The following DENND3 variants were observed in gnomAD, a reference collection of about 807,000 sequenced individuals.
DENND3 encodes the protein DENN domain containing 3, also known as DENN domain-containing protein 3.
In DENND3, 88 loss-of-function variants were observed where a neutral mutation model predicts 135.1. The observed-to-expected ratio is 0.65, with a 90% CI of 0.55 to 0.78. The LOEUF (loss-of-function observed/expected upper bound fraction) is 0.78. Among genes scored for constraint, DENND3 ranks in the 30% least tolerant of loss-of-function variants. DENND3 has a pLI of 0.00. For synonymous variants in DENND3, 693 were observed against 712.3 expected (o/e 0.97, Z 0.43); for missense variants, 1,392 against 1,688.4 (o/e 0.82, Z 3.08).
At chr8:141,179,885 G>A (rs907811989) in intron 16 of DENND3, among the ~76,000 whole-genome samples, 3 of 152,212 alleles carry the variant, frequency 2.0e-5, no homozygotes, top group South Asian at 2.1e-4. Flanking sequence ...GGCCCTGGAC[G>A]GCAGGGACTG....
At chr8:141,170,493 T>A (rs1192879280) in intron 13 of DENND3, among the ~76,000 whole-genome samples, 1 of 152,216 alleles carries the variant, frequency 6.6e-6, no homozygotes, top group African/African-American at 2.4e-5. Flanking sequence ...GTGCGCTCAC[T>A]GATCCCTGTT....
rs777481517 is a variant in DENND3, at chr8:141,160,665, C to A, written c.1230C>A (p.His410Gln). ...VQSLQLHHEL[H>Q]AAHLLSSTDL... Reference sequence around the variant, plus strand: ...GCCTCCAGCTCCACCATGAGCTGCACGCCGCCCACCTCCTCTCCAGCACAG... The same window carrying A: ...GCCTCCAGCTCCACCATGAGCTGCAAGCCGCCCACCTCCTCTCCAGCACAG... Residue 410 changes from histidine (H) to glutamine (Q), a missense_variant, in exon 9 of 23, where the codon CAC becomes CAA. Transcript: ENST00000519811. The A allele has an allele frequency of 1.2e-6, 2 of 1,610,528 alleles. No individual in the cohort carries two copies. Among genetic ancestry groups the A allele is most frequent in the East Asian group, 4.5e-5 (2 of 44,812 alleles).
intron 17 of DENND3, among the ~76,000 whole-genome samples, chr8:141,183,850 G>T (rs1273756551): frequency 5.3e-5 from 8 of 152,134 alleles, no homozygotes; most frequent in Non-Finnish European, 1.2e-4. Flanking sequence ...CCTGGCGGGG[G>T]TGCAGGTGTT....
intron 5 of DENND3, among the ~76,000 whole-genome samples, chr8:141,145,830 TATATATATATATATA>T (rs1818005555): frequency 3.5e-4 from 30 of 86,878 alleles, no homozygotes; most frequent in African/African-American, 2.2e-3. Context: ...TATATATATA[TATATATATATATATA>T]TATATGTATT....
chr8:141,192,770 C>T, intron 22 of DENND3, 107 bp downstream of exon 22: 1 of 1,602,874 alleles, frequency 6.2e-7, no homozygotes, highest in Non-Finnish European at 8.5e-7. Flanking sequence ...GCCCTCCTGC[C>T]TTCGCCTCTC....
rs563109761 is a variant in DENND3, at chr8:141,187,868, A to AT, written c.3085-1111dup. On this transcript the variant is annotated intron_variant, in intron 18 of 22. Coordinates refer to ENST00000519811, the MANE Select transcript of DENND3 (RefSeq NM_001352890.3). Reference sequence around the variant, plus strand: ...TAGGGAAATTATTTTTCTAAATTTAATTTTTTTCAGTTCGTTCTTAGTTAT... The same window carrying AT: ...TAGGGAAATTATTTTTCTAAATTTAATTTTTTTTCAGTTCGTTCTTAGTTAT... 3.1e-3 allele frequency among the ~76,000 whole-genome samples: 471 copies of AT among 152,286 alleles called. 4 individuals are homozygous for AT. The highest frequency in any genetic ancestry group is 0.011 in the African/African-American group (454 of 41,546).
At chr8:141,176,506 C>G in intron 14 of DENND3, 85 bp from the exon 15 acceptor site, 1 of 1,558,332 alleles carries the variant, frequency 6.4e-7, no homozygotes, top group Non-Finnish European at 8.8e-7. Context: ...CCTCTTCATT[C>G]CAGAGCCCGC....
intron 4 of DENND3, chr8:141,143,146 T>C (rs912773179): frequency 1.3e-4 from 20 of 152,158 alleles, no homozygotes; most frequent in African/African-American, 4.8e-4. Flanking sequence ...ACAACACGAA[T>C]TTGTAGTTTT....
In DENND3 at chr8:141,194,632, CA is replaced by C; in HGVS notation, c.*400del. ...TCTCTGGTTTTACCTTTCCTTACTTCATTCATTCACTCACCCAGTCCTTACG... is the reference window on the plus strand; with the variant it reads ...TCTCTGGTTTTACCTTTCCTTACTTCTTCATTCACTCACCCAGTCCTTACG... On this transcript the variant is annotated 3_prime_UTR_variant, in exon 23 of 23. Transcript: ENST00000519811. 1 of 193,546 alleles carries C rather than the reference CA, an allele frequency of 5.2e-6. No homozygotes were observed. The highest frequency in any genetic ancestry group is 1.0e-5 in the Non-Finnish European group (1 of 100,376). The allele number at this position is 193,546 out of a possible 1,614,324, so 12.0% of individuals were successfully genotyped here.
intron 10 of DENND3, 82 bp from the exon 11 acceptor site, chr8:141,165,104 G>C (rs939289216): frequency 5.8e-6 from 6 of 1,042,102 alleles, no homozygotes; most frequent in Non-Finnish European, 7.4e-6. Flanking sequence ...GCCCAGTTCT[G>C]TGCCAGGAAG....
intron 22 of DENND3, 141 bp downstream of exon 22, chr8:141,192,804 G>A (rs373450406): frequency 4.1e-5 from 64 of 1,576,604 alleles, no homozygotes; most frequent in East Asian, 9.3e-5. Context: ...TAACAGGCAC[G>A]TGCAGGGTTG....
Position 141,168,806 on chromosome 8 carries a change from C to T in DENND3, c.2275+281C>T, listed in dbSNP as rs1295047623. 6.6e-6 allele frequency among the ~76,000 whole-genome samples: 1 copy of T among 152,106 alleles called. No individual in the cohort carries two copies. Among genetic ancestry groups the T allele is most frequent in the African/African-American group, 2.4e-5 (1 of 41,412 alleles). Reference sequence around the variant, plus strand: ...GCTCAAGTGATCCACCCACCTCGGCCTCCCTAAGTGCTGAGATTACAAGAG... The same window carrying T: ...GCTCAAGTGATCCACCCACCTCGGCTTCCCTAAGTGCTGAGATTACAAGAG... On this transcript the variant is annotated intron_variant, in intron 13 of 22. Transcript: ENST00000519811. This position sits in a 1 kb window ranked among gnomAD's most constrained non-coding sequence, Gnocchi z 6.2.
chr8:141,160,471 C>T (rs904860960), intron 8 of DENND3, among the ~76,000 whole-genome samples, 161 bp from the exon 9 acceptor site: 4 of 152,188 alleles, frequency 2.6e-5, no homozygotes, highest in Non-Finnish European at 5.9e-5. Flanking sequence ...TGAGCCACCG[C>T]GTCCAGCCCC....
rs563911054 is a variant in DENND3 at position 141,194,675 on chromosome 8, T to G, written c.*442T>G. The G allele has an allele frequency of 3.0e-4, 53 of 178,404 alleles. No individual in the cohort carries two copies. The highest frequency in any genetic ancestry group is 6.1e-4 in the Non-Finnish European group (50 of 82,152). The allele number at this position is 178,404 out of a possible 1,614,324, so 11.1% of individuals were successfully genotyped here. ...GTCCTTACGAATCACCGAGGAACAC[T>G]GGGCTGAGCACATGACAGGGAGCCT... On this transcript the variant is annotated 3_prime_UTR_variant, in exon 23 of 23. Coordinates refer to ENST00000519811, the MANE Select transcript of DENND3 (RefSeq NM_001352890.3).
At chr8:141,145,404 T>A (rs753540719) in intron 5 of DENND3, among the ~76,000 whole-genome samples, 5 of 152,184 alleles carry the variant, frequency 3.3e-5, no homozygotes, top group Non-Finnish European at 5.9e-5. Flanking sequence ...CACTCCTGTC[T>A]CTGTAAAATG....
chr8:141,173,310 T>C (rs1433146381), intron 13 of DENND3, among the ~76,000 whole-genome samples: 1 of 152,204 alleles, frequency 6.6e-6, no homozygotes. Context: ...TCTCTTCTGT[T>C]TGGATCTGGT....
chr8:141,154,931 A>G lies in DENND3; in HGVS notation c.1075-918A>G, dbSNP rs1037096793. On this transcript the variant is annotated intron_variant, in intron 7 of 22. Coordinates refer to ENST00000519811, the MANE Select transcript of DENND3 (RefSeq NM_001352890.3). This position sits in a 1 kb window ranked among gnomAD's most constrained non-coding sequence, Gnocchi z 4.4. ...AAAATGTGGTCTTTCCAAATAATGGACTATTCAGGCTGAAGAAGCAAGGAT... is the reference window on the plus strand; with the variant it reads ...AAAATGTGGTCTTTCCAAATAATGGGCTATTCAGGCTGAAGAAGCAAGGAT... Among the ~76,000 whole-genome samples, 2 of 152,198 alleles carry G rather than the reference A, an allele frequency of 1.3e-5. No individual in the cohort carries two copies. Among genetic ancestry groups the G allele is most frequent in the Non-Finnish European group, 2.9e-5 (2 of 68,040 alleles).
At chr8:141,150,419 A>C in intron 5 of DENND3, 1 of 855,344 alleles carries the variant, frequency 1.2e-6, no homozygotes, top group Non-Finnish European at 1.6e-6. Flanking sequence ...TTGACTATTA[A>C]ATTGTCAAAG....
intron 8 of DENND3, among the ~76,000 whole-genome samples, 180 bp downstream of exon 8, chr8:141,156,150 A>G (rs991732361): frequency 6.6e-6 from 1 of 152,070 alleles, no homozygotes; most frequent in Non-Finnish European, 1.5e-5. Context: ...TTCAGGCTGG[A>G]GTGCAGTGGC....
Sources: gnomAD v4.1 joint callset for allele counts (sites outside exome capture counted in the v4.1 genomes callset) on GRCh38, gnomAD v4.1.1 for gene constraint, Gnocchi (gnomAD v3.1) non-coding constraint, MANE v1.5 for transcripts, NCBI Gene and HGNC (gene_info 2026-07-23, HGNC 2026-07-21) for gene names.